XYLT1: variants seen among roughly 807,000 people sequenced by gnomAD.
XYLT1 encodes beta-D-xylosyltransferase 1.
Under a neutral mutation model 91.3 loss-of-function variants are expected in XYLT1, and 36 were observed. The ratio of observed to expected loss-of-function variants is 0.39; its 90% CI spans 0.30 to 0.52. XYLT1 has a LOEUF of 0.52. Ranked by LOEUF, XYLT1 falls within the 20% of genes least tolerant of loss-of-function variation. The pLI is 0.68. For missense variants in XYLT1, 1,242 were observed against 1,284.5 expected (o/e 0.97, Z 0.51); for synonymous variants, 588 against 532.0 (o/e 1.11, Z -1.45).
intron 1 of XYLT1, among the ~76,000 whole-genome samples, chr16:17,366,721 A>T (rs2035460225): frequency 6.6e-6 from 1 of 152,010 alleles, no homozygotes. Flanking sequence ...CAAACAAACC[A>T]ACCTTACAAG....
rs567485585 is a variant in XYLT1, at chr16:17,442,125, G to T, written c.363+28309C>A. Among the ~76,000 whole-genome samples, 8 of 152,292 alleles carry T rather than the reference G, an allele frequency of 5.3e-5. No individual in the cohort carries two copies. In the East Asian group the frequency reaches 1.3e-3, roughly 26 times the overall value. Reference sequence around the variant, plus strand: ...CAGATGAAAACATTGGCCCTTCCCAGATCTTGAGACTGCTGGTTTTCAGAC... The same window carrying T: ...CAGATGAAAACATTGGCCCTTCCCATATCTTGAGACTGCTGGTTTTCAGAC... On this transcript the variant is annotated intron_variant, in intron 1 of 11. Transcript: ENST00000261381.
chr16:17,442,729 T>C (rs2036546631), intron 1 of XYLT1, among the ~76,000 whole-genome samples: 1 of 152,196 alleles, frequency 6.6e-6, no homozygotes, highest in African/African-American at 2.4e-5. Context: ...TTTGCAGCTC[T>C]CTTCCCTCTT....
At chr16:17,126,592 T>TG (rs2030268696) in intron 10 of XYLT1, among the ~76,000 whole-genome samples, 1 of 152,046 alleles carries the variant, frequency 6.6e-6, no homozygotes, top group African/African-American at 2.4e-5. Flanking sequence ...TATAAGAGGG[T>TG]GGGACTCCCC....
chr16:17,173,397 C>T lies in XYLT1; in HGVS notation c.1290-14488G>A, dbSNP rs534526124. On this transcript the variant is annotated intron_variant, in intron 5 of 11. Transcript: ENST00000261381. ...AGAATGGAGCTTTGGTGTTCCGAGG[C>T]ATCCACGTACATCCTGGATTAGCTT... Among the ~76,000 whole-genome samples, 7 of 152,346 alleles carry T rather than the reference C, an allele frequency of 4.6e-5. No individual in the cohort carries two copies. The South Asian group carries it at 1.5e-3, about 32-fold the overall frequency.
rs1966704660 is a variant in XYLT1 at position 17,101,775 on chromosome 16, A to T, written c.*6920T>A. ...CATGTACCTATTCTACCTACATTCCATTGGCCTGAGTCAGTCACATGGCCA... is the reference window on the plus strand; with the variant it reads ...CATGTACCTATTCTACCTACATTCCTTTGGCCTGAGTCAGTCACATGGCCA... On this transcript the variant is annotated 3_prime_UTR_variant, in exon 12 of 12. Transcript: ENST00000261381. 6.6e-6 allele frequency: 1 copy of T among 152,224 alleles called. No homozygotes were observed. The allele number at this position is 152,224 out of a possible 1,614,324, so 9.4% of individuals were successfully genotyped here.
intron 2 of XYLT1, among the ~76,000 whole-genome samples, chr16:17,273,753 A>C (rs1029742826): frequency 6.6e-6 from 1 of 151,098 alleles, no homozygotes; most frequent in Non-Finnish European, 1.5e-5. Context: ...CTGAGGCAGA[A>C]GGATCGCTTG....
chr16:17,152,001 C>T (rs1009682424), intron 6 of XYLT1, among the ~76,000 whole-genome samples: 7 of 152,150 alleles, frequency 4.6e-5, no homozygotes, highest in Admixed American at 3.3e-4. Flanking sequence ...CATCGCCAAG[C>T]GTCTAAAGGT....
chr16:17,386,336 A>G (rs1435291362), intron 1 of XYLT1, among the ~76,000 whole-genome samples: 2 of 152,190 alleles, frequency 1.3e-5, no homozygotes, highest in African/African-American at 4.8e-5. Context: ...ATAAAATAGG[A>G]AAAACCTGAA....
chr16:17,316,101 C>A (rs1419654325), intron 2 of XYLT1, among the ~76,000 whole-genome samples: 1 of 152,200 alleles, frequency 6.6e-6, no homozygotes, highest in Non-Finnish European at 1.5e-5. Context: ...ACTCACAACA[C>A]AAACTATTCT....
intron 2 of XYLT1, among the ~76,000 whole-genome samples, chr16:17,328,907 C>T (rs1475378351): frequency 6.6e-6 from 1 of 152,188 alleles, no homozygotes; most frequent in Non-Finnish European, 1.5e-5. Context: ...GCCTCCAAAA[C>T]GCTCCAGATG....
At chr16:17,434,010 T>C (rs563901263) in intron 1 of XYLT1, among the ~76,000 whole-genome samples, 30 of 152,328 alleles carry the variant, frequency 2.0e-4, no homozygotes, top group Admixed American at 3.9e-4. Context: ...ATTTGGCAGA[T>C]TGAATTTCGG....
chr16:17,158,811 T>C lies in XYLT1; in HGVS notation c.1370+18A>G, dbSNP rs1403021481. 1 of 1,612,450 alleles carries C rather than the reference T, an allele frequency of 6.2e-7. No individual in the cohort carries two copies. Among genetic ancestry groups the C allele is most frequent in the African/African-American group, 1.3e-5 (1 of 74,780 alleles). Reference sequence around the variant, plus strand: ...TTTTCATTTCCATTTTGTACAGGGGTAGGGGTTGAGGTGCTACCTTGCATT... The same window carrying C: ...TTTTCATTTCCATTTTGTACAGGGGCAGGGGTTGAGGTGCTACCTTGCATT... On this transcript the variant is annotated intron_variant, in intron 6 of 11. Coordinates refer to ENST00000261381, the MANE Select transcript of XYLT1 (RefSeq NM_022166.4).
At chr16:17,419,802 G>C (rs1449594072) in intron 1 of XYLT1, among the ~76,000 whole-genome samples, 1 of 152,206 alleles carries the variant, frequency 6.6e-6, no homozygotes, top group Non-Finnish European at 1.5e-5. Context: ...AATTGAAAGA[G>C]AGGGAGCCTG....
chr16:17,125,711 T>C (rs1293109242), intron 10 of XYLT1, among the ~76,000 whole-genome samples: 1 of 152,180 alleles, frequency 6.6e-6, no homozygotes, highest in Non-Finnish European at 1.5e-5. Flanking sequence ...TGAAGTTTTC[T>C]CTAGAATACC....
intron 1 of XYLT1, among the ~76,000 whole-genome samples, chr16:17,418,237 C>T (rs537872384): frequency 6.6e-6 from 1 of 152,190 alleles, no homozygotes; most frequent in African/African-American, 2.4e-5. Flanking sequence ...TCAGCTTGTA[C>T]ACACCTTAGG....
rs567381035 is a variant in XYLT1 at position 17,368,045 on chromosome 16, A to G, written c.364-9995T>C. On this transcript the variant is annotated intron_variant, in intron 1 of 11. Transcript: ENST00000261381. ...ACAAGAGCCTCTGACCAGGACATCT[A>G]TTGTCGAAGATACAGGAAAACTGTG... Among the ~76,000 whole-genome samples, 17 of 152,250 alleles carry G rather than the reference A, an allele frequency of 1.1e-4. No individual in the cohort carries two copies. In the South Asian group the frequency reaches 1.9e-3, roughly 17 times the overall value.
chr16:17,213,795 T>A (rs1247914676), intron 3 of XYLT1, among the ~76,000 whole-genome samples: 2 of 152,088 alleles, frequency 1.3e-5, no homozygotes, highest in African/African-American at 4.8e-5. Context: ...ATTTTTTGTA[T>A]TTTTAGTAGA....
intron 2 of XYLT1, among the ~76,000 whole-genome samples, chr16:17,311,927 T>C (rs183570675): frequency 2.6e-5 from 4 of 152,120 alleles, no homozygotes; most frequent in East Asian, 1.9e-4. Flanking sequence ...GAGAACAATA[T>C]AGGGGAAACT....
At chr16:17,242,620 T>C (rs1408422938) in intron 3 of XYLT1, among the ~76,000 whole-genome samples, 6 of 152,232 alleles carry the variant, frequency 3.9e-5, no homozygotes, top group Admixed American at 6.5e-5. Context: ...TTTTAAAAAA[T>C]GGTAAAACAC....
Sources: allele counts gnomAD v4.1 joint callset (sites outside exome capture counted in the v4.1 genomes callset), GRCh38; gene constraint gnomAD v4.1.1; transcripts MANE v1.5; gene names NCBI Gene and HGNC (gene_info 2026-07-23, HGNC 2026-07-21).